TRPM2: variants seen among roughly 807,000 people sequenced by gnomAD.
TRPM2 encodes transient receptor potential cation channel subfamily M member 2, also known as estrogen-responsive element-associated gene 1 protein.
In TRPM2, 161 loss-of-function variants were observed where a neutral mutation model predicts 174.0. The ratio of observed to expected loss-of-function variants is 0.93; its 90% CI spans 0.81 to 1.05. The LOEUF (loss-of-function observed/expected upper bound fraction) is 1.05, where lower values mean the gene tolerates loss of function less well. TRPM2 is among the 50% of genes least tolerant of loss of function. The probability of loss-of-function intolerance (pLI) is 0.00; values close to 1 mark genes in which losing one functional copy is unlikely to be tolerated. For synonymous variants in TRPM2, 954 were observed against 861.3 expected (o/e 1.11, Z -1.88); for missense variants, 2,057 against 2,038.0 (o/e 1.01, Z -0.18).
At position 44,366,031 on chromosome 21, in the gene TRPM2, A is replaced by G. The variant is rs184051193; in HGVS notation, c.424-723A>G. Among the ~76,000 whole-genome samples, 15 of 152,324 alleles carry G rather than the reference A, an allele frequency of 9.8e-5. No homozygotes were observed. The highest frequency in any genetic ancestry group is 8.5e-4 in the Admixed American group (13 of 15,304). ...TCACCTTTGTGTCTCTGCTAGGCCA[A>G]TCCCGGCGGAGATTGCAGACCCCGC... On this transcript the variant is annotated intron_variant, in intron 3 of 31. Transcript: ENST00000397928. This position sits in a 1 kb window ranked among gnomAD's most constrained non-coding sequence, Gnocchi z 6.0.
chr21:44,376,065 T>C lies in TRPM2; in HGVS notation c.952+52T>C. ...TTGGGCAGAGAGCACAGTGGGCTGGTCAGAGTGTCAGGTACAGCTGGTCAC... is the reference window on the plus strand; with the variant it reads ...TTGGGCAGAGAGCACAGTGGGCTGGCCAGAGTGTCAGGTACAGCTGGTCAC... On this transcript the variant is annotated intron_variant, in intron 6 of 31. Coordinates refer to ENST00000397928, the MANE Select transcript of TRPM2 (RefSeq NM_003307.4). This position sits in a 1 kb window ranked among gnomAD's most constrained non-coding sequence, Gnocchi z 4.2. The C allele has an allele frequency of 6.3e-7, 1 of 1,584,476 alleles. No homozygotes were observed. Among genetic ancestry groups the C allele is most frequent in the Middle Eastern group, 1.7e-4 (1 of 5,910 alleles).
At chr21:44,360,568 C>CT (rs34605236) in intron 2 of TRPM2, among the ~76,000 whole-genome samples, 1,668 of 130,544 alleles carry the variant, frequency 0.013, 27 homozygotes, top group African/African-American at 0.039. Context: ...AGTTTTATGT[C>CT]TTTTTTTTTT....
rs2050576749 is a variant in TRPM2 at position 44,422,240 on chromosome 21, G to A, written c.3462-1405G>A. ...CCATAACCTTGCAGCACTGAGGTGA[G>A]CTGAGTTCACCAAAGCTCCTCGCCC... On this transcript the variant is annotated intron_variant, in intron 22 of 31. Transcript: ENST00000397928. 3.9e-6 allele frequency: 6 copies of A among 1,533,886 alleles called. No homozygotes were observed. The East Asian group carries it at 1.5e-4, about 38-fold the overall frequency.
In TRPM2 at chr21:44,377,566, G is replaced by T. The variant is rs1199091335; in HGVS notation, c.953-146G>T. The T allele has an allele frequency of 2.8e-6, 3 of 1,085,568 alleles. No individual in the cohort carries two copies. The African/African-American group carries it at 4.7e-5, about 17-fold the overall frequency. 67.2% of individuals were successfully genotyped at this position (1,085,568 alleles called of 1,614,324 possible). ...TGTGTGGTTAGGCTGGAGCCAGCAG[G>T]GGGCAGGGGAGAGTGCCCTCAGTGC... On this transcript the variant is annotated intron_variant, in intron 6 of 31. Transcript: ENST00000397928.
rs757470781 is a variant in TRPM2, at chr21:44,369,239, C to A, written c.667C>A (p.Arg223=). 6.2e-7 allele frequency: 1 copy of A among 1,613,606 alleles called. No homozygotes were observed. The highest frequency in any genetic ancestry group is 8.5e-7 in the Non-Finnish European group (1 of 1,179,886). The change falls in exon 5 of 32, where the codon CGG becomes AGG. Residue 223 remains arginine (R), a synonymous_variant. Transcript: ENST00000397928. ...CATGAAGCAGGTAGGCGAGGCGGTG[C>A]GGGACTTCAGCCTGAGCAGCAGCTA... ...GVMKQVGEAV[R]DFSLSSSYKE... is the part of the protein sequence containing the mutation.
Position 44,366,917 on chromosome 21 carries a change from A to G in TRPM2, c.587A>G (p.Lys196Arg). The change falls in exon 4 of 32, where the codon AAG becomes AGG. Residue 196 changes from lysine to arginine, a missense_variant. Coordinates refer to ENST00000397928, the MANE Select transcript of TRPM2 (RefSeq NM_003307.4). This position sits in a 1 kb window ranked among gnomAD's most constrained non-coding sequence, Gnocchi z 6.0. ...LKSIFRRGLV[K>R]VAQTTGAWII... ...AGCATTTTCCGCAGAGGCCTGGTCA[A>G]GGTGGCTCAGACCACAGGTAACTCG... The G allele has an allele frequency of 6.3e-7, 1 of 1,598,108 alleles. No homozygotes were observed. The highest frequency in any genetic ancestry group is 8.5e-7 in the Non-Finnish European group (1 of 1,170,054).
chr21:44,359,336 A>T (rs77916867), intron 2 of TRPM2, among the ~76,000 whole-genome samples: 2,378 of 152,222 alleles, frequency 0.016, 52 homozygotes, highest in African/African-American at 0.054. Context: ...TTCACCTCTC[A>T]ACATCAGGTG....
intron 7 of TRPM2, 49 bp from the exon 8 acceptor site, chr21:44,378,948 G>A (rs773220708): frequency 2.8e-5 from 44 of 1,568,788 alleles, no homozygotes; most frequent in Admixed American, 1.3e-4. Flanking sequence ...AGAAAGCATC[G>A]GAGCGGTGAG....
chr21:44,402,444 G>T (rs990009208), intron 16 of TRPM2, among the ~76,000 whole-genome samples: 1 of 152,202 alleles, frequency 6.6e-6, no homozygotes, highest in Non-Finnish European at 1.5e-5. Flanking sequence ...TCCCGGTGAT[G>T]ATGTGTGGCC....
intron 19 of TRPM2, among the ~76,000 whole-genome samples, chr21:44,409,904 T>G (rs2050041360): frequency 6.6e-6 from 1 of 150,820 alleles, no homozygotes. Flanking sequence ...CGCACTGTCT[T>G]GGCGTAGCCT....
rs751502954 is a variant in TRPM2, at chr21:44,405,273, A to T, written c.2657+13A>T. 1 of 1,611,180 alleles carries T rather than the reference A, an allele frequency of 6.2e-7. No individual in the cohort carries two copies. The highest frequency in any genetic ancestry group is 1.1e-5 in the South Asian group (1 of 91,066). Reference sequence around the variant, plus strand: ...GGCTGACCTGCAGGTGAGTGGCCTCACCCCGATGGCGGGCCCGTCTGAGGC... The same window carrying T: ...GGCTGACCTGCAGGTGAGTGGCCTCTCCCCGATGGCGGGCCCGTCTGAGGC... On this transcript the variant is annotated intron_variant, in intron 17 of 31. Transcript: ENST00000397928.
At chr21:44,362,406 G>C (rs962483025) in intron 2 of TRPM2, among the ~76,000 whole-genome samples, 1 of 150,802 alleles carries the variant, frequency 6.6e-6, no homozygotes, top group Non-Finnish European at 1.5e-5. Flanking sequence ...CAGCTACTTG[G>C]GAGGTTGAGG....
chr21:44,369,201 C>G lies in TRPM2; in HGVS notation c.629C>G (p.Ser210Cys), dbSNP rs773017207. 6.2e-7 allele frequency: 1 copy of G among 1,611,726 alleles called. No individual in the cohort carries two copies. The highest frequency in any genetic ancestry group is 1.3e-5 in the African/African-American group (1 of 74,886). The change falls in exon 5 of 32, where the codon TCC (serine) becomes TGC (cysteine). Residue 210 changes from serine (S) to cysteine (C), a missense_variant. Transcript: ENST00000397928. ...TTGAWIITGG[S>C]HTGVMKQVGE... ...GGGGCCTGGATCATCACAGGGGGGTCCCACACCGGCGTCATGAAGCAGGTA... is the reference window on the plus strand; with the variant it reads ...GGGGCCTGGATCATCACAGGGGGGTGCCACACCGGCGTCATGAAGCAGGTA...
chr21:44,363,604 T>C (rs1323510602), intron 2 of TRPM2, among the ~76,000 whole-genome samples: 2 of 152,358 alleles, frequency 1.3e-5, no homozygotes, highest in East Asian at 1.9e-4. Context: ...TGTTGAAGCA[T>C]TTCTAATGTG....
intron 1 of TRPM2, 23 bp downstream of exon 1, chr21:44,353,888 T>A: frequency 6.3e-7 from 1 of 1,590,730 alleles, no homozygotes; most frequent in Non-Finnish European, 8.5e-7. Flanking sequence ...CTGGTCAGCC[T>A]GCAGTTGGCA....
chr21:44,420,889 T>C (rs1401203644), intron 22 of TRPM2, among the ~76,000 whole-genome samples: 2 of 152,226 alleles, frequency 1.3e-5, no homozygotes, highest in Non-Finnish European at 2.9e-5. Context: ...CTTCCACTTT[T>C]ACCCATGAGG....
rs915780 is a variant in TRPM2, at chr21:44,414,339, A to T, written c.3146+265A>T. ...GGACCCGCGGTGCTGTGGATCCACA[A>T]GGGCCCTGCTCACGGTGCTGCTGCG... On this transcript the variant is annotated intron_variant, in intron 20 of 31. Coordinates refer to ENST00000397928, the MANE Select transcript of TRPM2 (RefSeq NM_003307.4). 0.71 allele frequency among the ~76,000 whole-genome samples: 107,490 copies of T among 152,202 alleles called. 38,496 individuals are homozygous for T. The highest frequency in any genetic ancestry group is 0.77 in the East Asian group (3,979 of 5,180).
At chr21:44,425,507 G>GT in intron 24 of TRPM2, 163 bp from the exon 25 acceptor site, 1 of 813,970 alleles carries the variant, frequency 1.2e-6, no homozygotes, top group Non-Finnish European at 1.8e-6. Flanking sequence ...TGGGGGCCCT[G>GT]CCCACTTCAG....
At chr21:44,371,635 G>A (rs2048545744) in intron 5 of TRPM2, among the ~76,000 whole-genome samples, 1 of 152,142 alleles carries the variant, frequency 6.6e-6, no homozygotes, top group Admixed American at 6.6e-5. Flanking sequence ...TCCCACTAGG[G>A]TCATCTAGGG....
Sources: gnomAD v4.1 joint callset for allele counts (sites outside exome capture counted in the v4.1 genomes callset) on GRCh38, gnomAD v4.1.1 for gene constraint, Gnocchi (gnomAD v3.1) non-coding constraint, MANE v1.5 for transcripts, NCBI Gene and HGNC (gene_info 2026-07-23, HGNC 2026-07-21) for gene names.